The following FARP1 variants were observed in gnomAD, a reference collection of about 807,000 sequenced individuals.
FARP1 encodes the protein FERM, ARHGEF and pleckstrin domain-containing protein 1.
In FARP1, 52 loss-of-function variants were observed where a neutral mutation model predicts 128.8. The observed-to-expected ratio is 0.40, with a 90% CI of 0.32 to 0.51. The LOEUF (loss-of-function observed/expected upper bound fraction) is 0.51, where lower values mean the gene tolerates loss of function less well. FARP1 is among the 20% of genes least tolerant of loss of function. FARP1 has a pLI of 0.45. For synonymous variants in FARP1, 580 were observed against 551.8 expected, an observed-to-expected ratio of 1.05 and a Z score of -0.72; for missense variants, 1,333 against 1,367.9, an observed-to-expected ratio of 0.97 and a Z score of 0.40.
At chr13:98,293,435 G>A (rs944797406) in intron 2 of FARP1, among the ~76,000 whole-genome samples, 7 of 152,110 alleles carry the variant, frequency 4.6e-5, no homozygotes, top group East Asian at 3.9e-4. Flanking sequence ...GAAAGGTAGC[G>A]TGACTTCAAA....
intron 5 of FARP1, among the ~76,000 whole-genome samples, chr13:98,369,217 G>T (rs892503413): frequency 1.5e-4 from 23 of 152,050 alleles, no homozygotes; most frequent in African/African-American, 5.3e-4. Context: ...GAGCCACTGC[G>T]CCCAACCTCA....
intron 2 of FARP1, among the ~76,000 whole-genome samples, chr13:98,216,291 G>T (rs143336440): frequency 6.6e-6 from 1 of 152,194 alleles, no homozygotes; most frequent in Admixed American, 6.5e-5. Flanking sequence ...TGATGGCCCA[G>T]TCATCAGGGA....
At chr13:98,354,440 T>C (rs1888560910) in intron 3 of FARP1, among the ~76,000 whole-genome samples, 1 of 152,194 alleles carries the variant, frequency 6.6e-6, no homozygotes, top group African/African-American at 2.4e-5. Flanking sequence ...GGTTTGGACG[T>C]TAGTTTTGAC....
chr13:98,284,395 C>T (rs1444110201), intron 2 of FARP1, among the ~76,000 whole-genome samples: 2 of 152,126 alleles, frequency 1.3e-5, no homozygotes, highest in African/African-American at 2.4e-5. Flanking sequence ...CTATGCCCTG[C>T]CCCATCCCTG....
intron 3 of FARP1, among the ~76,000 whole-genome samples, chr13:98,363,311 G>A (rs1411823364): frequency 6.6e-6 from 1 of 152,094 alleles, no homozygotes; most frequent in East Asian, 1.9e-4. Context: ...CTTAGCACAG[G>A]GTCATTTTCA....
At chr13:98,233,456 A>T (rs890399551) in intron 2 of FARP1, among the ~76,000 whole-genome samples, 1 of 151,934 alleles carries the variant, frequency 6.6e-6, no homozygotes, top group Non-Finnish European at 1.5e-5. Context: ...AGGGGAAAGA[A>T]CTCAGCCAAG....
intron 17 of FARP1, 52 bp from the exon 18 acceptor site, chr13:98,430,979 TGGGCAGAACACA>T: frequency 2.0e-6 from 2 of 1,016,994 alleles, no homozygotes; most frequent in Non-Finnish European, 3.0e-6. Context: ...CAAGTGAAAC[TGGGCAGAACACA>T]GGTGCATCCC....
At chr13:98,255,921 G>A (rs1350061284) in intron 2 of FARP1, among the ~76,000 whole-genome samples, 2 of 152,208 alleles carry the variant, frequency 1.3e-5, no homozygotes, top group Non-Finnish European at 2.9e-5. Flanking sequence ...TGCGCAGTCA[G>A]CCTCCCTTCC....
At chr13:98,145,342 T>C (rs762321469) in intron 1 of FARP1, among the ~76,000 whole-genome samples, 1 of 152,162 alleles carries the variant, frequency 6.6e-6, no homozygotes, top group Non-Finnish European at 1.5e-5. Context: ...TGAAGCGTGG[T>C]TTCTAATGCC....
rs112793487 is a variant in FARP1, at chr13:98,317,342, C to T, written c.172-26420C>T. On this transcript the variant is annotated intron_variant, in intron 2 of 26. Transcript: ENST00000319562. ...TGGTACGATCATAGCTTACTGCAGC[C>T]ATGAACTCCTGGGCTCAAGGGATCC... is the stretch of plus-strand genomic sequence containing the variant. Among the ~76,000 whole-genome samples, 706 of 152,318 alleles carry T rather than the reference C, an allele frequency of 4.6e-3. 7 individuals are homozygous for T. The highest frequency in any genetic ancestry group is 0.016 in the African/African-American group (674 of 41,570).
intron 11 of FARP1, among the ~76,000 whole-genome samples, chr13:98,391,684 C>T (rs1890312189): frequency 6.6e-6 from 1 of 152,180 alleles, no homozygotes; most frequent in Admixed American, 6.5e-5. Context: ...GAGTCTTCAC[C>T]TCAGCTCTGT....
rs780061784 is a variant in FARP1 at position 98,446,081 on chromosome 13, GC to G, written c.2797-15del. ...CAGGTGCCCGCTGTGCTTCTCACAG[GC>G]CTCCTTGCCTTTCAGAATCAGTTGT... On this transcript the variant is annotated splice_polypyrimidine_tract_variant and intron_variant, in intron 24 of 26. Transcript: ENST00000319562. 20 of 1,575,332 alleles carry G rather than the reference GC, an allele frequency of 1.3e-5. No homozygotes were observed. The Admixed American group carries it at 3.2e-4, about 25-fold the overall frequency.
At chr13:98,289,959 C>G (rs1885370441) in intron 2 of FARP1, among the ~76,000 whole-genome samples, 1 of 152,026 alleles carries the variant, frequency 6.6e-6, no homozygotes, top group East Asian at 1.9e-4. Context: ...ATGCAAAGGT[C>G]AGTGTTTCAT....
intron 2 of FARP1, among the ~76,000 whole-genome samples, chr13:98,217,104 C>G (rs1305183153): frequency 6.6e-6 from 1 of 152,224 alleles, no homozygotes; most frequent in Admixed American, 6.5e-5. Context: ...TAAACAAACA[C>G]AGTTCCCACT....
chr13:98,431,454 C>T lies in FARP1; in HGVS notation c.2143+174C>T, dbSNP rs1594529033. On this transcript the variant is annotated intron_variant, in intron 18 of 26. Transcript: ENST00000319562. ...TTATTCCTGCTCTGGTGTTTGGTTA[C>T]ATCTTGATTTTTTTTTTTTTTTTTT... is the stretch of plus-strand genomic sequence containing the variant. 13 of 489,818 alleles carry T rather than the reference C, an allele frequency of 2.7e-5. No individual in the cohort carries two copies. The East Asian group carries it at 4.5e-4, about 17-fold the overall frequency. The allele number at this position is 489,818 out of a possible 1,614,324, so 30.3% of individuals were successfully genotyped here.
chr13:98,424,885 A>AT (rs112845716), intron 17 of FARP1, among the ~76,000 whole-genome samples: 49,538 of 150,228 alleles, frequency 0.33, 9,403 homozygotes, highest in African/African-American at 0.51. Context: ...CTTTTTGGTG[A>AT]TTTTGGGGTT....
At chr13:98,418,256 G>GTTTGTTTTGT (rs141985701) in intron 16 of FARP1, among the ~76,000 whole-genome samples, 1 of 150,688 alleles carries the variant, frequency 6.6e-6, no homozygotes, top group African/African-American at 2.5e-5. Flanking sequence ...ATGTTTATTT[G>GTTTGTTTTGT]TTTGTTTTGT....
At chr13:98,193,564 G>A (rs1319802637) in intron 1 of FARP1, among the ~76,000 whole-genome samples, 1 of 152,172 alleles carries the variant, frequency 6.6e-6, no homozygotes, top group Non-Finnish European at 1.5e-5. Flanking sequence ...TAAAACCTTC[G>A]TTGAAGCAAT....
chr13:98,358,667 A>G (rs1219710535), intron 3 of FARP1, among the ~76,000 whole-genome samples: 2 of 151,394 alleles, frequency 1.3e-5, no homozygotes, highest in East Asian at 3.9e-4. Flanking sequence ...CTTTTTTCTC[A>G]CTCTGTCACC....
Sources: allele counts gnomAD v4.1 joint callset (sites outside exome capture counted in the v4.1 genomes callset), GRCh38; gene constraint gnomAD v4.1.1; transcripts MANE v1.5; gene names NCBI Gene and HGNC (gene_info 2026-07-23, HGNC 2026-07-21).